PEMT: variants seen among roughly 807,000 people sequenced by gnomAD.
PEMT encodes the protein phosphatidylethanolamine N-methyltransferase.
A neutral mutation model predicts 27.4 loss-of-function variants in PEMT; 23 were observed. The observed-to-expected ratio is 0.84, with a 90% CI of 0.60 to 1.19. The LOEUF is 1.19. PEMT is among the 50% of genes most tolerant of loss of function. PEMT has a pLI of 0.00. For synonymous variants in PEMT, 137 were observed against 139.1 expected (o/e 0.98, Z 0.11); for missense variants, 307 against 310.1 (o/e 0.99, Z 0.07).
At chr17:17,508,898 C>G (rs1038423828) in intron 5 of PEMT, 1 of 350,918 alleles carries the variant, frequency 2.8e-6, no homozygotes, top group African/African-American at 2.2e-5. Context: ...CCTGGCGGCT[C>G]TGGCCAACCC....
intron 1 of PEMT, among the ~76,000 whole-genome samples, chr17:17,590,905 C>G (rs1352273680): frequency 6.6e-6 from 1 of 152,322 alleles, no homozygotes; most frequent in African/African-American, 2.4e-5. Flanking sequence ...AGCAGGCAAG[C>G]CAGGCCCCCA....
intron 2 of PEMT, among the ~76,000 whole-genome samples, chr17:17,546,439 G>C (rs904411611): frequency 2.0e-5 from 3 of 152,262 alleles, no homozygotes; most frequent in African/African-American, 7.2e-5. Context: ...TTCAGAAGCA[G>C]GCTTGGTTCA....
rs1907420606 is a variant in PEMT at position 17,523,240 on chromosome 17, C to T, written c.205-845G>A. ...GGTATGTGAGCAAGTTGTCTGTGGG[C>T]CCAGAGTAGGCGCCTGTGTGTGCAC... On this transcript the variant is annotated intron_variant, in intron 2 of 6. Coordinates refer to ENST00000255389, the MANE Select transcript of PEMT (RefSeq NM_148172.3). The surrounding 1 kb of genome is among the most constrained non-coding windows in gnomAD (Gnocchi z 4.8). 6.6e-6 allele frequency among the ~76,000 whole-genome samples: 1 copy of T among 152,178 alleles called. No individual in the cohort carries two copies. The highest frequency in any genetic ancestry group is 1.5e-5 in the Non-Finnish European group (1 of 68,018).
At chr17:17,549,906 C>T (rs1282422535) in intron 2 of PEMT, among the ~76,000 whole-genome samples, 2 of 152,240 alleles carry the variant, frequency 1.3e-5, no homozygotes, top group Non-Finnish European at 2.9e-5. Context: ...TGCAAGTCCG[C>T]AGCTTCCAGA....
At chr17:17,586,216 AAAAGAAAGAAAGAAAGAAAGAAAGAAAG>A (rs745534134) in intron 1 of PEMT, among the ~76,000 whole-genome samples, 15 of 79,328 alleles carry the variant, frequency 1.9e-4, no homozygotes, top group Admixed American at 9.4e-4. Flanking sequence ...GAAAGAAAGA[AAAAGAAAGAAAGAAAGAAAGAAAGAAAG>A]AAAGAAAGAA....
intron 3 of PEMT, chr17:17,517,943 C>T (rs1251529788): frequency 2.8e-5 from 28 of 984,306 alleles, no homozygotes; most frequent in Non-Finnish European, 3.3e-5. Flanking sequence ...CCCTGCCCCT[C>T]CAGGTGCCTC....
chr17:17,579,174 A>G (rs910142238), intron 1 of PEMT, among the ~76,000 whole-genome samples: 1 of 152,138 alleles, frequency 6.6e-6, no homozygotes, highest in Non-Finnish European at 1.5e-5. Context: ...TGCTTCCCCA[A>G]ACGACAGTCT....
intron 2 of PEMT, among the ~76,000 whole-genome samples, chr17:17,545,833 G>A (rs1350028817): frequency 6.6e-6 from 1 of 152,180 alleles, no homozygotes; most frequent in African/African-American, 2.4e-5. Context: ...TGGAATCTAA[G>A]GGCTGATGTT....
intron 3 of PEMT, among the ~76,000 whole-genome samples, chr17:17,521,424 T>C (rs1040753398): frequency 1.3e-5 from 2 of 152,140 alleles, no homozygotes; most frequent in African/African-American, 4.8e-5. Context: ...TCTAGCCTGG[T>C]GTCTGGGCAG....
chr17:17,550,992 C>A (rs993364779), intron 2 of PEMT, among the ~76,000 whole-genome samples: 2 of 152,172 alleles, frequency 1.3e-5, no homozygotes, highest in Non-Finnish European at 2.9e-5. Context: ...TACCTGCCCA[C>A]GTGTGCAGAT....
intron 2 of PEMT, among the ~76,000 whole-genome samples, chr17:17,536,032 A>C (rs2142580358): frequency 6.6e-6 from 1 of 152,260 alleles, no homozygotes; most frequent in East Asian, 1.9e-4. Flanking sequence ...CTGTCTCCCC[A>C]AGGGCCTACA....
At chr17:17,581,705 TC>T (rs1306886952) in intron 1 of PEMT, among the ~76,000 whole-genome samples, 1 of 152,090 alleles carries the variant, frequency 6.6e-6, no homozygotes, top group Non-Finnish European at 1.5e-5. Flanking sequence ...CTCCCCCCTC[TC>T]CCTCCTGTGC....
chr17:17,516,677 C>T (rs1181637764), intron 3 of PEMT, among the ~76,000 whole-genome samples: 1 of 152,146 alleles, frequency 6.6e-6, no homozygotes, highest in Admixed American at 6.5e-5. Flanking sequence ...GGTGCCTCTT[C>T]CCTCCTTCCC....
intron 2 of PEMT, among the ~76,000 whole-genome samples, chr17:17,556,392 TA>T (rs1286799117): frequency 7.2e-6 from 1 of 139,274 alleles, no homozygotes; most frequent in Admixed American, 7.2e-5. Flanking sequence ...TTTTTTTTTT[TA>T]GACGGAGTCT....
At chr17:17,520,758 A>T (rs1907204609) in intron 3 of PEMT, among the ~76,000 whole-genome samples, 1 of 152,252 alleles carries the variant, frequency 6.6e-6, no homozygotes, top group African/African-American at 2.4e-5. Flanking sequence ...CCAGGCCTAG[A>T]GAAAGCAGGC....
intron 2 of PEMT, among the ~76,000 whole-genome samples, chr17:17,551,183 G>A (rs1909631741): frequency 6.6e-6 from 1 of 152,146 alleles, no homozygotes. Flanking sequence ...AAATGATGTT[G>A]AACGCCATGC....
intron 1 of PEMT, chr17:17,578,638 C>A (rs1911779357): frequency 2.6e-5 from 4 of 152,154 alleles, no homozygotes; most frequent in Admixed American, 2.6e-4. Flanking sequence ...GTTGTGCTCG[C>A]TTCAGCAGCA....
chr17:17,591,478 G>C (rs946782905), intron 1 of PEMT, 53 bp downstream of exon 1: 10 of 1,427,822 alleles, frequency 7.0e-6, no homozygotes, highest in Middle Eastern at 1.8e-4. Context: ...CACGCCCCTC[G>C]GGCCTTGCAG....
rs1911418292 is a variant in PEMT, at chr17:17,574,259, A to C, written c.204+2661T>G. Among the ~76,000 whole-genome samples, 4 of 144,280 alleles carry C rather than the reference A, an allele frequency of 2.8e-5. No individual in the cohort carries two copies. The South Asian group carries it at 8.7e-4, about 31-fold the overall frequency. The allele number at this position is 144,280 out of a possible 152,430, so 94.7% of individuals were successfully genotyped here. ...AGCTTATGACCAAAAAAAAAAAAAA[A>C]AAAAAACCGTATGCCAAACACACAG... On this transcript the variant is annotated intron_variant, in intron 2 of 6. Transcript: ENST00000255389.
Sources: allele counts gnomAD v4.1 joint callset (sites outside exome capture counted in the v4.1 genomes callset), GRCh38; gene constraint gnomAD v4.1.1; non-coding constraint Gnocchi (gnomAD v3.1); transcripts MANE v1.5; gene names NCBI Gene and HGNC (gene_info 2026-07-23, HGNC 2026-07-21).